MFHAS1: variants seen among roughly 807,000 people sequenced by gnomAD.
MFHAS1 encodes the protein multifunctional ROCO family signaling regulator 1.
Under a neutral mutation model 70.4 loss-of-function variants are expected in MFHAS1, and 50 were observed. The observed-to-expected ratio is 0.71, with a 90% CI of 0.57 to 0.90. The LOEUF is 0.90. Ranked by LOEUF, MFHAS1 falls within the 40% of genes least tolerant of loss-of-function variation. The pLI, the probability that MFHAS1 is intolerant of heterozygous loss-of-function variation, is 0.00. For synonymous variants in MFHAS1, 952 were observed against 620.0 expected (o/e 1.54, Z -7.96); for missense variants, 1,795 against 1,347.6 (o/e 1.33, Z -5.20).
At chr8:8,832,089 C>A (rs187621554) in intron 1 of MFHAS1, among the ~76,000 whole-genome samples, 57 of 151,226 alleles carry the variant, frequency 3.8e-4, no homozygotes, top group Middle Eastern at 3.4e-3. Flanking sequence ...CACACACACA[C>A]GCACCAAAGT....
intron 1 of MFHAS1, among the ~76,000 whole-genome samples, chr8:8,879,868 A>T (rs900907963): frequency 6.6e-6 from 1 of 152,176 alleles, no homozygotes; most frequent in Admixed American, 6.5e-5. Context: ...GTAATCATCT[A>T]CATTTGTATC....
chr8:8,851,835 C>T (rs1808258273), intron 1 of MFHAS1, among the ~76,000 whole-genome samples: 1 of 152,098 alleles, frequency 6.6e-6, no homozygotes, highest in Non-Finnish European at 1.5e-5. Flanking sequence ...ATGCCCCCCG[C>T]AAAATAAAGA....
intron 1 of MFHAS1, among the ~76,000 whole-genome samples, chr8:8,855,851 G>A (rs944813519): frequency 2.0e-5 from 3 of 152,050 alleles, no homozygotes; most frequent in East Asian, 3.9e-4. Context: ...GTGAGACGCC[G>A]TCTCAAAAAA....
rs767618231 is a variant in MFHAS1 at position 8,892,307 on chromosome 8, C to A, written c.752G>T (p.Ser251Ile). 2.5e-6 allele frequency: 4 copies of A among 1,612,474 alleles called. No individual in the cohort carries two copies. The highest frequency in any genetic ancestry group is 3.4e-6 in the Non-Finnish European group (4 of 1,180,008). ...TLPAGFCELA[S>I]LESLMLDNNG... is the part of the protein sequence containing the mutation. ...GTTGTCTAGCATGAGGCTCTCCAAA[C>A]TGGCCAGCTCGCAGAAGCCGGCGGG... Residue 251 changes from serine (S) to isoleucine (I), a missense_variant, in exon 1 of 3, where the codon AGT becomes ATT. Physicochemically the swap from Ser to Ile is moderately radical, Grantham distance 142. Transcript: ENST00000276282. This position sits in a 1 kb window ranked among gnomAD's most constrained non-coding sequence, Gnocchi z 4.7.
At chr8:8,807,621 C>G (rs953205454) in intron 1 of MFHAS1, among the ~76,000 whole-genome samples, 6 of 152,264 alleles carry the variant, frequency 3.9e-5, no homozygotes, top group African/African-American at 1.2e-4. Context: ...CCCTGTACCC[C>G]CTACAATGAA....
At chr8:8,786,098 G>A (rs369638545) in intron 2 of MFHAS1, 43 bp from the exon 3 acceptor site, 147 of 1,553,940 alleles carry the variant, frequency 9.5e-5, no homozygotes, top group East Asian at 7.0e-4. Flanking sequence ...TGACAAAAAC[G>A]TACTGGACAA....
At chr8:8,804,099 C>T (rs995007685) in intron 1 of MFHAS1, among the ~76,000 whole-genome samples, 4 of 152,236 alleles carry the variant, frequency 2.6e-5, no homozygotes, top group African/African-American at 2.4e-5. Context: ...GTCCTGGAAC[C>T]AGTGCCCCAC....
At position 8,891,014 on chromosome 8, in the gene MFHAS1, C is replaced by T; in HGVS notation, c.2045G>A (p.Ser682Asn). The T allele has an allele frequency of 6.2e-7, 1 of 1,613,894 alleles. No homozygotes were observed. Among genetic ancestry groups the T allele is most frequent in the Non-Finnish European group, 8.5e-7 (1 of 1,179,970 alleles). The change falls in exon 1 of 3, where the codon AGC becomes AAC. Residue 682 changes from serine to asparagine, a missense_variant. Physicochemically the swap from Ser to Asn is conservative, Grantham distance 46. Transcript: ENST00000276282. The surrounding 1 kb of genome is among the most constrained non-coding windows in gnomAD (Gnocchi z 5.4). ...QPPQAQRLWL[S>N]WWDSARLGLQ... is the part of the protein sequence containing the mutation. ...GCCCAAGCGCGCCGAGTCCCACCAGCTTAGCCACAGTCGCTGGGCCTGAGG... is the reference window on the plus strand; with the variant it reads ...GCCCAAGCGCGCCGAGTCCCACCAGTTTAGCCACAGTCGCTGGGCCTGAGG...
intron 1 of MFHAS1, among the ~76,000 whole-genome samples, chr8:8,856,086 C>T (rs748733613): frequency 1.2e-4 from 19 of 152,140 alleles, no homozygotes; most frequent in African/African-American, 2.2e-4. Context: ...GTTTAGAAGA[C>T]GGTCTTCCCC....
chr8:8,889,206 G>C (rs1292519372), intron 1 of MFHAS1, among the ~76,000 whole-genome samples: 3 of 152,014 alleles, frequency 2.0e-5, no homozygotes, highest in Non-Finnish European at 4.4e-5. Flanking sequence ...AGCTTCATTT[G>C]CTTAACACTT....
chr8:8,835,617 C>T (rs913095292), intron 1 of MFHAS1, among the ~76,000 whole-genome samples: 1 of 152,156 alleles, frequency 6.6e-6, no homozygotes, highest in Non-Finnish European at 1.5e-5. Flanking sequence ...TAATTTTCAG[C>T]ACTTATTAAT....
rs755297024 is a variant in MFHAS1, at chr8:8,892,018, G to A, written c.1041C>T (p.Leu347=). 5 of 1,613,558 alleles carry A rather than the reference G, an allele frequency of 3.1e-6. No individual in the cohort carries two copies. Among genetic ancestry groups the A allele is most frequent in the Non-Finnish European group, 3.4e-6 (4 of 1,180,020 alleles). The change falls in exon 1 of 3, where the codon CTC becomes CTT. Residue 347 remains leucine, a synonymous_variant. Coordinates refer to ENST00000276282, the MANE Select transcript of MFHAS1 (RefSeq NM_004225.3). The surrounding 1 kb of genome is among the most constrained non-coding windows in gnomAD (Gnocchi z 4.7). ...SIVELTGLEE[L]VLQGNQIAVL... The stretch of plus-strand genomic sequence containing the variant: ...CCGCGATCTGGTTCCCCTGCAGCAC[G>A]AGCTCCTCCAGGCCGGTCAGCTCCA...
chr8:8,795,403 A>G (rs1384893151), intron 2 of MFHAS1, among the ~76,000 whole-genome samples: 2 of 152,232 alleles, frequency 1.3e-5, no homozygotes, highest in East Asian at 1.9e-4. Flanking sequence ...TAATTGTGCA[A>G]TTACTTTTAA....
At chr8:8,810,433 T>C (rs1434594626) in intron 1 of MFHAS1, among the ~76,000 whole-genome samples, 2 of 152,156 alleles carry the variant, frequency 1.3e-5, no homozygotes, top group Non-Finnish European at 2.9e-5. Flanking sequence ...ACCATGCAGG[T>C]CCATTTACAG....
At chr8:8,829,163 C>T (rs564387436) in intron 1 of MFHAS1, among the ~76,000 whole-genome samples, 2 of 152,228 alleles carry the variant, frequency 1.3e-5, no homozygotes, top group South Asian at 2.1e-4. Flanking sequence ...ACCTCTCATG[C>T]CTCTGCTAAG....
intron 1 of MFHAS1, among the ~76,000 whole-genome samples, chr8:8,817,241 A>G (rs1806780623): frequency 6.6e-6 from 1 of 152,168 alleles, no homozygotes; most frequent in African/African-American, 2.4e-5. Flanking sequence ...GCTATGAGAA[A>G]ATTTACCCTG....
intron 1 of MFHAS1, among the ~76,000 whole-genome samples, chr8:8,883,313 T>C (rs1809602629): frequency 1.3e-5 from 2 of 152,178 alleles, no homozygotes; most frequent in Admixed American, 6.5e-5. Flanking sequence ...AGGGCAGTAC[T>C]GGGCCTGCAC....
intron 1 of MFHAS1, among the ~76,000 whole-genome samples, chr8:8,828,334 A>G (rs1807241878): frequency 1.3e-5 from 2 of 152,258 alleles, no homozygotes; most frequent in African/African-American, 4.8e-5. Flanking sequence ...CGGTGAAATC[A>G]AAGCCATCAA....
intron 1 of MFHAS1, among the ~76,000 whole-genome samples, chr8:8,851,637 A>G (rs548029307): frequency 6.6e-6 from 1 of 152,346 alleles, no homozygotes; most frequent in East Asian, 1.9e-4. Context: ...TGCAAAACAA[A>G]ACTGGAAACA....
Sources: gnomAD v4.1 joint callset for allele counts (sites outside exome capture counted in the v4.1 genomes callset) on GRCh38, gnomAD v4.1.1 for gene constraint, Gnocchi (gnomAD v3.1) non-coding constraint, MANE v1.5 for transcripts, NCBI Gene and HGNC (gene_info 2026-07-23, HGNC 2026-07-21) for gene names.